The following LRMDA variants were observed in gnomAD, a reference collection of about 807,000 sequenced individuals.
The protein encoded by LRMDA is leucine-rich melanocyte differentiation-associated protein.
LRMDA carries 18 observed loss-of-function variants against 29.8 expected under a neutral mutation model. The ratio of observed to expected loss-of-function variants is 0.60; its 90% CI spans 0.42 to 0.90. The LOEUF (loss-of-function observed/expected upper bound fraction) is 0.90, where lower values mean the gene tolerates loss of function less well. Among genes scored for constraint, LRMDA ranks in the 40% least tolerant of loss-of-function variants. The probability of loss-of-function intolerance (pLI) is 0.00; values close to 1 mark genes in which losing one functional copy is unlikely to be tolerated. For synonymous variants in LRMDA, 125 were observed against 109.4 expected, an observed-to-expected ratio of 1.14 and a Z score of -0.89; for missense variants, 273 against 273.9, an observed-to-expected ratio of 1.00 and a Z score of 0.02.
At position 76,268,545 on chromosome 10, in the gene LRMDA, G is replaced by T. The variant is rs1589402832; in HGVS notation, c.517-55856G>T. On this transcript the variant is annotated intron_variant, in intron 5 of 6. Coordinates refer to ENST00000611255, the MANE Select transcript of LRMDA (RefSeq NM_001305581.2). ...TCTTAATGATTTCCTTTTTAAGGAG[G>T]ACATTAGGAAAGCCTGCATCAAGGA... is the stretch of plus-strand genomic sequence containing the variant. 2.6e-5 allele frequency among the ~76,000 whole-genome samples: 4 copies of T among 152,130 alleles called. No individual in the cohort carries two copies. In the South Asian group the frequency reaches 8.3e-4, roughly 32 times the overall value.
intron 2 of LRMDA, among the ~76,000 whole-genome samples, chr10:75,839,097 C>T (rs1844490712): frequency 6.6e-6 from 1 of 152,210 alleles, no homozygotes; most frequent in Non-Finnish European, 1.5e-5. Flanking sequence ...ATGAAAAATA[C>T]ATAGAGCAGT....
intron 5 of LRMDA, among the ~76,000 whole-genome samples, chr10:76,070,687 A>G (rs1306528504): frequency 6.6e-6 from 1 of 152,186 alleles, no homozygotes; most frequent in Non-Finnish European, 1.5e-5. Context: ...GTTTTCTGGA[A>G]TTTATCCTTA....
intron 2 of LRMDA, among the ~76,000 whole-genome samples, chr10:75,459,309 A>C (rs2132037002): frequency 6.6e-6 from 1 of 152,256 alleles, no homozygotes; most frequent in East Asian, 1.9e-4. Flanking sequence ...GGTGGCACAC[A>C]CTTATAGTCC....
chr10:76,290,867 CTG>C (rs1196525098), intron 5 of LRMDA, among the ~76,000 whole-genome samples: 1 of 152,164 alleles, frequency 6.6e-6, no homozygotes, highest in East Asian at 1.9e-4. Flanking sequence ...CCAGTTGACT[CTG>C]AGAAGTAGTA....
At chr10:76,389,291 C>T (rs530961585) in intron 6 of LRMDA, among the ~76,000 whole-genome samples, 6 of 151,956 alleles carry the variant, frequency 3.9e-5, no homozygotes, top group South Asian at 2.1e-4. Flanking sequence ...TGGCAAGTTT[C>T]GAATGGTGAG....
At chr10:76,287,197 G>T (rs1840282727) in intron 5 of LRMDA, among the ~76,000 whole-genome samples, 1 of 151,528 alleles carries the variant, frequency 6.6e-6, no homozygotes, top group South Asian at 2.1e-4. Context: ...TCTGGTTGTG[G>T]CTTCTTCTTT....
At chr10:75,458,748 C>T (rs990873807) in intron 2 of LRMDA, among the ~76,000 whole-genome samples, 1 of 152,152 alleles carries the variant, frequency 6.6e-6, no homozygotes, top group African/African-American at 2.4e-5. Flanking sequence ...CCTGATGGGA[C>T]AAGCTTTCCG....
chr10:75,568,851 C>A lies in LRMDA; in HGVS notation c.131+130357C>A, dbSNP rs571009866. On this transcript the variant is annotated intron_variant, in intron 2 of 6. Transcript: ENST00000611255. ...TAGTTTGCTTCCTGGGAGATTGTAG[C>A]CCAAGACCAATAACTCACTTGTGTC... Among the ~76,000 whole-genome samples the A allele has an allele frequency of 8.5e-5, 13 of 152,304 alleles. No homozygotes were observed. In the East Asian group the frequency reaches 9.6e-4, roughly 11 times the overall value.
At chr10:76,275,787 C>A (rs1033027399) in intron 5 of LRMDA, among the ~76,000 whole-genome samples, 1 of 152,198 alleles carries the variant, frequency 6.6e-6, no homozygotes, top group African/African-American at 2.4e-5. Context: ...CACAGTATTT[C>A]TTTAAATACT....
chr10:75,493,232 C>T (rs1039999542), intron 2 of LRMDA, among the ~76,000 whole-genome samples: 9 of 151,906 alleles, frequency 5.9e-5, no homozygotes, highest in African/African-American at 1.2e-4. Context: ...TATGGCTTTC[C>T]CTTCCTGGAT....
At chr10:75,858,463 T>C (rs1844865227) in intron 2 of LRMDA, among the ~76,000 whole-genome samples, 1 of 152,216 alleles carries the variant, frequency 6.6e-6, no homozygotes, top group South Asian at 2.1e-4. Flanking sequence ...TGGGACTCTG[T>C]GCTGCATTTA....
chr10:75,898,858 G>T lies in LRMDA; in HGVS notation c.132-137150G>T, dbSNP rs1845626821. Among the ~76,000 whole-genome samples the T allele has an allele frequency of 1.3e-5, 2 of 152,222 alleles. 1 individual carries two copies. Among genetic ancestry groups the T allele is most frequent in the Middle Eastern group, 6.8e-3 (2 of 294 alleles). On this transcript the variant is annotated intron_variant, in intron 2 of 6. Coordinates refer to ENST00000611255, the MANE Select transcript of LRMDA (RefSeq NM_001305581.2). ...CTTAAATAGGAGTCTGCTGGTTCAG[G>T]GCCTTAAACTTTAAGTGAAAGTTTT...
intron 6 of LRMDA, among the ~76,000 whole-genome samples, chr10:76,424,343 T>C (rs1128491): frequency 0.8 from 122,213 of 151,992 alleles, 50,936 homozygotes; most frequent in Non-Finnish European, 0.94. Context: ...TCCTGACAAA[T>C]ATGGTGAAAC....
intron 2 of LRMDA, among the ~76,000 whole-genome samples, chr10:75,574,709 G>GT (rs2132072475): frequency 6.6e-6 from 1 of 152,170 alleles, no homozygotes; most frequent in East Asian, 1.9e-4. Flanking sequence ...TCCACCGTGG[G>GT]GCTTCAGTTA....
chr10:75,949,469 G>T (rs1846535677), intron 2 of LRMDA, among the ~76,000 whole-genome samples: 1 of 152,200 alleles, frequency 6.6e-6, no homozygotes, highest in Non-Finnish European at 1.5e-5. Flanking sequence ...GCAGCGTGCA[G>T]GTTCTGGACC....
intron 2 of LRMDA, among the ~76,000 whole-genome samples, chr10:75,678,789 G>T (rs1453105272): frequency 6.6e-6 from 1 of 152,176 alleles, no homozygotes; most frequent in Non-Finnish European, 1.5e-5. Context: ...AGTATTGGAA[G>T]ATAGTGCGGG....
At chr10:75,540,812 A>G (rs1376144573) in intron 2 of LRMDA, among the ~76,000 whole-genome samples, 1 of 152,186 alleles carries the variant, frequency 6.6e-6, no homozygotes, top group Non-Finnish European at 1.5e-5. Flanking sequence ...CCTGGCATCC[A>G]GTAAATATGT....
chr10:75,946,119 G>A (rs1846471512), intron 2 of LRMDA, among the ~76,000 whole-genome samples: 1 of 152,196 alleles, frequency 6.6e-6, no homozygotes. Context: ...TGGAGAAGGA[G>A]CACCATCGTG....
chr10:76,142,845 C>G (rs1850230993), intron 5 of LRMDA, among the ~76,000 whole-genome samples: 1 of 151,506 alleles, frequency 6.6e-6, no homozygotes, highest in South Asian at 2.1e-4. Flanking sequence ...TCCCCCCTCC[C>G]CCTACCCAAC....
Sources: allele counts gnomAD v4.1 joint callset (sites outside exome capture counted in the v4.1 genomes callset), GRCh38; gene constraint gnomAD v4.1.1; transcripts MANE v1.5; gene names NCBI Gene and HGNC (gene_info 2026-07-23, HGNC 2026-07-21).